TENM1: variants seen among roughly 807,000 people sequenced by gnomAD.
TENM1 encodes the protein teneurin transmembrane protein 1.
Under a neutral mutation model 174.8 loss-of-function variants are expected in TENM1, and 35 were observed. The observed-to-expected ratio is 0.20, with a 90% CI of 0.15 to 0.27. The LOEUF is 0.27. Among genes scored for constraint, TENM1 ranks in the 10% least tolerant of loss-of-function variants. The probability of loss-of-function intolerance (pLI) is 1.00; values close to 1 mark genes in which losing one functional copy is unlikely to be tolerated. For synonymous variants in TENM1, 781 were observed against 798.7 expected (o/e 0.98, Z 0.37); for missense variants, 1,633 against 2,130.1 (o/e 0.77, Z 4.59).
At chrX:124,706,973 G>A (rs907114272) in intron 4 of TENM1, among the ~76,000 whole-genome samples, 45 of 98,442 alleles carry the variant, frequency 4.6e-4, no homozygotes, top group African/African-American at 1.7e-3. Flanking sequence ...TTTTTGAGAC[G>A]GAGTCTCGCT....
intron 27 of TENM1, among the ~76,000 whole-genome samples, chrX:124,400,534 T>C (rs2060387308): frequency 8.9e-6 from 1 of 112,484 alleles, no homozygotes; most frequent in Admixed American, 9.4e-5. Flanking sequence ...TGTAAACACA[T>C]AATAATCCTA....
Position 124,584,913 on chromosome X carries a change from C to T in TENM1, c.2078-19353G>A, listed in dbSNP as rs777102523. ...AGTCTCTGATAAAACAGACTTTAAA[C>T]CAACAAAGATCAAAAGAGACAAAGA... On this transcript the variant is annotated intron_variant, in intron 11 of 31. Coordinates refer to ENST00000422452, the Ensembl canonical transcript of TENM1. Among the ~76,000 whole-genome samples the T allele has an allele frequency of 7.1e-3, 780 of 109,228 alleles. 11 individuals are homozygous for T. Among genetic ancestry groups the T allele is most frequent in the African/African-American group, 0.025 (724 of 29,532 alleles). 94.9% of individuals were successfully genotyped at this position (109,228 alleles called of 115,157 possible). A position where few individuals can be genotyped will look rare whatever the true frequency, so the allele number is the denominator to read the frequency against.
At chrX:124,886,542 TATATATAGAGAG>T (rs1477788501) in intron 3 of TENM1, among the ~76,000 whole-genome samples, 5 of 88,670 alleles carry the variant, frequency 5.6e-5, no homozygotes, top group South Asian at 5.6e-4. Context: ...TATATATATA[TATATATAGAGAG>T]AGAGAGAGAG....
intron 18 of TENM1, among the ~76,000 whole-genome samples, chrX:124,504,113 A>T (rs1297572513): frequency 6.3e-5 from 7 of 111,797 alleles, no homozygotes; most frequent in African/African-American, 1.9e-4. Flanking sequence ...TTACCACTAT[A>T]GTGAAAAATG....
chrX:124,819,781 T>G (rs1569454891), intron 3 of TENM1, among the ~76,000 whole-genome samples: 1 of 110,101 alleles, frequency 9.1e-6, no homozygotes, highest in Non-Finnish European at 1.9e-5. Context: ...AATATTCCAG[T>G]AACATTTCCT....
At chrX:124,393,519 C>G (rs906107294) in intron 27 of TENM1, among the ~76,000 whole-genome samples, 14 of 111,718 alleles carry the variant, frequency 1.3e-4, no homozygotes, top group Non-Finnish European at 2.3e-4. Context: ...AAGAGGGGAG[C>G]TTTGAAGAAG....
At chrX:124,723,850 C>T (rs2053383485) in intron 4 of TENM1, among the ~76,000 whole-genome samples, 1 of 111,036 alleles carries the variant, frequency 9.0e-6, no homozygotes, top group African/African-American at 3.3e-5. Context: ...CCGCCCGCCT[C>T]AGCCTCCCAA....
chrX:125,162,548 C>T, the TENM1 span, among the ~76,000 whole-genome samples: 1 of 112,009 alleles, frequency 8.9e-6, no homozygotes, highest in Non-Finnish European at 1.9e-5. Context: ...TCTCTCTGTT[C>T]CTTTAGATTC....
chrX:124,601,960 C>T (rs1343163993), intron 11 of TENM1, among the ~76,000 whole-genome samples: 1 of 111,309 alleles, frequency 9.0e-6, no homozygotes, highest in African/African-American at 3.3e-5. Context: ...AGCACTGCAA[C>T]TATAACTTAG....
At chrX:125,090,817 G>T in the TENM1 span, among the ~76,000 whole-genome samples, 1 of 111,503 alleles carries the variant, frequency 9.0e-6, no homozygotes, top group Non-Finnish European at 1.9e-5. Flanking sequence ...TTTAGGAAAG[G>T]GAACACAAAT....
chrX:125,023,116 C>T, the TENM1 span, among the ~76,000 whole-genome samples: 3 of 111,143 alleles, frequency 2.7e-5, no homozygotes, highest in African/African-American at 9.8e-5. Context: ...TTTGTGTTCT[C>T]ACCCAAATCT....
intron 3 of TENM1, among the ~76,000 whole-genome samples, chrX:124,757,950 A>C (rs1230939795): frequency 8.9e-6 from 1 of 112,327 alleles, no homozygotes; most frequent in African/African-American, 3.2e-5. Context: ...AAGTTTGTTT[A>C]TACGGGAGTA....
At chrX:124,962,645 C>T (rs1029459026) in intron 1 of TENM1, among the ~76,000 whole-genome samples, 5 of 110,873 alleles carry the variant, frequency 4.5e-5, no homozygotes, top group African/African-American at 1.3e-4. Context: ...TGGTGAAACC[C>T]CATCTCCACT....
At chrX:124,429,268 T>C (rs1434323778) in intron 23 of TENM1, among the ~76,000 whole-genome samples, 1 of 111,784 alleles carries the variant, frequency 8.9e-6, no homozygotes, top group East Asian at 2.8e-4. Context: ...TTTTTATGAG[T>C]TGAGTGATTT....
intron 3 of TENM1, among the ~76,000 whole-genome samples, chrX:124,772,009 C>A (rs1198293228): frequency 1.8e-5 from 2 of 111,819 alleles, no homozygotes; most frequent in Non-Finnish European, 3.8e-5. Flanking sequence ...TTACTAGTAT[C>A]CTATAGAAGT....
chrX:124,921,230 T>C (rs1289814862), intron 1 of TENM1, among the ~76,000 whole-genome samples: 2 of 110,149 alleles, frequency 1.8e-5, no homozygotes, highest in Non-Finnish European at 3.8e-5. Context: ...ATTAAAATAA[T>C]ACAGTTGTTC....
At chrX:124,715,907 A>G (rs1322663445) in intron 4 of TENM1, among the ~76,000 whole-genome samples, 1 of 111,424 alleles carries the variant, frequency 9.0e-6, no homozygotes, top group Non-Finnish European at 1.9e-5. Context: ...CATCTTATAT[A>G]AAAAAAAGTT....
At chrX:124,803,224 TATTAAAGA>T (rs1189279373) in intron 3 of TENM1, among the ~76,000 whole-genome samples, 1 of 112,144 alleles carries the variant, frequency 8.9e-6, no homozygotes, top group Non-Finnish European at 1.9e-5. Flanking sequence ...TTATATTTTT[TATTAAAGA>T]ATTAAAGTAT....
chrX:125,021,752 T>C, the TENM1 span, among the ~76,000 whole-genome samples: 1 of 112,484 alleles, frequency 8.9e-6, no homozygotes, highest in South Asian at 3.6e-4. Flanking sequence ...GCAGTAAAAT[T>C]GGAATTTCAC....
Sources: gnomAD v4.1 joint callset for allele counts (sites outside exome capture counted in the v4.1 genomes callset) on GRCh38, gnomAD v4.1.1 for gene constraint, MANE v1.5 for transcripts, NCBI Gene and HGNC (gene_info 2026-07-23, HGNC 2026-07-21) for gene names.